Variants in OPCML observed in about 807,000 individuals in gnomAD.
OPCML encodes opioid-binding protein/cell adhesion molecule.
Under a neutral mutation model 37.8 loss-of-function variants are expected in OPCML, and 13 were observed. The ratio of observed to expected loss-of-function variants is 0.34; its 90% CI spans 0.22 to 0.55. OPCML has a LOEUF of 0.55. Ranked by LOEUF, OPCML falls within the 20% of genes least tolerant of loss-of-function variation. The pLI is 0.91. For missense variants in OPCML, 341 were observed against 435.6 expected (o/e 0.78, Z 1.93); for synonymous variants, 176 against 168.8 (o/e 1.04, Z -0.33).
chr11:132,479,453 C>A (rs909063951), intron 4 of OPCML, among the ~76,000 whole-genome samples: 2 of 152,328 alleles, frequency 1.3e-5, no homozygotes, highest in East Asian at 1.9e-4. Context: ...GGGGAAGGGG[C>A]GCCCACCATT....
intron 1 of OPCML, among the ~76,000 whole-genome samples, chr11:133,201,112 G>A (rs1938765427): frequency 6.6e-6 from 1 of 152,082 alleles, no homozygotes; most frequent in African/African-American, 2.4e-5. Context: ...AAGAATAATA[G>A]ATACAGGGGC....
intron 1 of OPCML, among the ~76,000 whole-genome samples, chr11:132,944,011 GGCGCGGACTGC>G (rs1200176201): frequency 6.6e-6 from 1 of 151,812 alleles, no homozygotes; most frequent in Non-Finnish European, 1.5e-5. Context: ...GCTGGCGGGC[GGCGCGGACTGC>G]GCGCTCATCC....
At chr11:133,034,308 G>GGT (rs71038514) in intron 1 of OPCML, among the ~76,000 whole-genome samples, 26,641 of 143,376 alleles carry the variant, frequency 0.19, 2,396 homozygotes, top group South Asian at 0.24. Context: ...TGTATGTATA[G>GGT]GTGTGTGTGT....
chr11:132,469,759 A>G (rs1412630876), intron 4 of OPCML, among the ~76,000 whole-genome samples: 7 of 56,028 alleles, frequency 1.2e-4, no homozygotes, highest in South Asian at 7.3e-4. Context: ...GAGGGGTGTG[A>G]GTGTGTGTGT....
In OPCML at chr11:133,458,296, GTA is replaced by G. The variant is rs35308821; in HGVS notation, c.61+73966_61+73967del. Among the ~76,000 whole-genome samples the G allele has an allele frequency of 5.3e-4, 27 of 50,686 alleles. 4 individuals are homozygous for G. Among genetic ancestry groups the G allele is most frequent in the Admixed American group, 8.8e-4 (5 of 5,710 alleles). The allele number at this position is 50,686 out of a possible 152,430, so 33.3% of individuals were successfully genotyped here. ...TATACACACATATATACACGTGTGT[GTA>G]TATATATACACATATATACACGTGT... On this transcript the variant is annotated intron_variant, in intron 1 of 7. Transcript: ENST00000524381.
intron 1 of OPCML, among the ~76,000 whole-genome samples, chr11:133,486,562 A>T (rs1341802857): frequency 6.6e-6 from 1 of 152,010 alleles, no homozygotes; most frequent in Non-Finnish European, 1.5e-5. Flanking sequence ...TTTCCTCGAC[A>T]TCTATGTGGG....
intron 2 of OPCML, among the ~76,000 whole-genome samples, chr11:132,693,859 G>A (rs1187624559): frequency 6.6e-6 from 1 of 152,094 alleles, no homozygotes; most frequent in Admixed American, 6.6e-5. Context: ...GAGAGGTCCA[G>A]ACACATCTGG....
intron 2 of OPCML, among the ~76,000 whole-genome samples, chr11:132,664,421 A>C (rs1942134707): frequency 6.6e-6 from 1 of 152,156 alleles, no homozygotes; most frequent in Non-Finnish European, 1.5e-5. Context: ...TTACTTTTTT[A>C]ATACATTCCC....
intron 4 of OPCML, among the ~76,000 whole-genome samples, chr11:132,514,199 G>C (rs1383654701): frequency 6.6e-6 from 1 of 152,146 alleles, no homozygotes; most frequent in East Asian, 1.9e-4. Context: ...TTTAAAGGAT[G>C]ATTTTGGTGA....
intron 4 of OPCML, among the ~76,000 whole-genome samples, chr11:132,471,254 T>C (rs1199890560): frequency 6.6e-6 from 1 of 152,160 alleles, no homozygotes; most frequent in East Asian, 1.9e-4. Flanking sequence ...TTTGTCTACA[T>C]GGCAGGGGAT....
chr11:132,579,661 TA>T (rs1263676633), intron 3 of OPCML, among the ~76,000 whole-genome samples: 4 of 152,082 alleles, frequency 2.6e-5, no homozygotes, highest in Admixed American at 1.3e-4. Flanking sequence ...CTCATCCCAT[TA>T]AGAGCTTTTG....
chr11:133,363,458 C>A (rs553143847), intron 1 of OPCML, among the ~76,000 whole-genome samples: 1 of 152,326 alleles, frequency 6.6e-6, no homozygotes, highest in African/African-American at 2.4e-5. Context: ...ATCCCCCCAG[C>A]AAAAGGCACA....
chr11:133,199,712 C>T (rs1315075320), intron 1 of OPCML, among the ~76,000 whole-genome samples: 1 of 152,126 alleles, frequency 6.6e-6, no homozygotes, highest in Non-Finnish European at 1.5e-5. Context: ...CTTGATTTCC[C>T]CTAAAGGCCT....
chr11:132,745,124 T>G (rs541792047), intron 2 of OPCML, among the ~76,000 whole-genome samples: 76 of 152,306 alleles, frequency 5.0e-4, no homozygotes, highest in Non-Finnish European at 1.0e-3. Context: ...TCATGGTCTG[T>G]GGCTGCATTT....
chr11:132,829,272 G>T (rs1451907786), intron 2 of OPCML, among the ~76,000 whole-genome samples: 1 of 152,170 alleles, frequency 6.6e-6, no homozygotes, highest in African/African-American at 2.4e-5. Flanking sequence ...AATCATAGCA[G>T]CTAGGATATA....
intron 1 of OPCML, among the ~76,000 whole-genome samples, chr11:133,294,231 G>GGGTAGGCC (rs1942565236): frequency 6.6e-6 from 1 of 151,940 alleles, no homozygotes; most frequent in Admixed American, 6.6e-5. Flanking sequence ...ACGGGCACAT[G>GGGTAGGCC]CAGAAATGAC....
chr11:132,697,811 G>A (rs1049245018), intron 2 of OPCML, among the ~76,000 whole-genome samples: 1 of 151,930 alleles, frequency 6.6e-6, no homozygotes, highest in Non-Finnish European at 1.5e-5. Context: ...TGTTGCCCAG[G>A]CTGGAGTGCA....
intron 6 of OPCML, among the ~76,000 whole-genome samples, 157 bp downstream of exon 6, chr11:132,436,502 T>C (rs1285079943): frequency 6.6e-6 from 1 of 152,232 alleles, no homozygotes; most frequent in African/African-American, 2.4e-5. Context: ...CCTCCATTTT[T>C]TTTCTCGTTG....
rs184221052 is a variant in OPCML at position 133,203,291 on chromosome 11, G to A, written c.62-260281C>T. ...ACAGCTGCCTGGCAGCCCCTCAAGG[G>A]ACAAATGCAGAGACCTAGAGTAGAT... On this transcript the variant is annotated intron_variant, in intron 1 of 7. Coordinates refer to ENST00000524381, the MANE Select transcript of OPCML (RefSeq NM_001012393.5). Among the ~76,000 whole-genome samples, 10 of 152,352 alleles carry A rather than the reference G, an allele frequency of 6.6e-5. No individual in the cohort carries two copies. In the East Asian group the frequency reaches 1.7e-3, roughly 26 times the overall value.
Sources: gnomAD v4.1 joint callset for allele counts (sites outside exome capture counted in the v4.1 genomes callset) on GRCh38, gnomAD v4.1.1 for gene constraint, MANE v1.5 for transcripts, NCBI Gene and HGNC (gene_info 2026-07-23, HGNC 2026-07-21) for gene names.